The following GRIN1 variants were observed in gnomAD, a reference collection of about 807,000 sequenced individuals.
The protein encoded by GRIN1 is glutamate receptor ionotropic, NMDA 1.
A neutral mutation model predicts 103.0 loss-of-function variants in GRIN1; 38 were observed. The ratio of observed to expected loss-of-function variants is 0.37; its 90% CI spans 0.28 to 0.48. The LOEUF is 0.48. GRIN1 is among the 20% of genes least tolerant of loss of function. GRIN1 has a pLI of 0.98. For missense variants in GRIN1, 577 were observed against 1,288.9 expected, an observed-to-expected ratio of 0.45 and a Z score of 8.46; for synonymous variants, 544 against 532.7, an observed-to-expected ratio of 1.02 and a Z score of -0.29.
chr9:137,143,110 C>A (rs1832265215), intron 2 of GRIN1, among the ~76,000 whole-genome samples: 1 of 152,244 alleles, frequency 6.6e-6, no homozygotes, highest in African/African-American at 2.4e-5. Context: ...AGGGGACATC[C>A]AGTTTGGTGC....
Position 137,149,902 on chromosome 9 carries a change from C to T in GRIN1, c.671+793C>T, listed in dbSNP as rs575408746. ...AGCCCTGCATATGGGAAAGAGCCGG[C>T]GACACTCTCAGTCCCAGGGCAGACC... On this transcript the variant is annotated intron_variant, in intron 4 of 19. Coordinates refer to ENST00000371561, the MANE Select transcript of GRIN1 (RefSeq NM_007327.4). Among the ~76,000 whole-genome samples, 549 of 152,270 alleles carry T rather than the reference C, an allele frequency of 3.6e-3. 3 individuals carry two copies. The highest frequency in any genetic ancestry group is 6.7e-3 in the Non-Finnish European group (455 of 68,018).
At chr9:137,143,040 G>A (rs910192793) in intron 2 of GRIN1, among the ~76,000 whole-genome samples, 2 of 152,248 alleles carry the variant, frequency 1.3e-5, no homozygotes, top group Non-Finnish European at 2.9e-5. Context: ...ATGCAAACTG[G>A]GCACTGAGAG....
intron 14 of GRIN1, 30 bp downstream of exon 14, chr9:137,162,769 T>C (rs1564364062): frequency 1.9e-6 from 3 of 1,601,298 alleles, no homozygotes; most frequent in East Asian, 4.5e-5. Context: ...GGGGAGGGAA[T>C]GCGAGGTGAG....
At position 137,156,809 on chromosome 9, in the gene GRIN1, C is replaced by T; in HGVS notation, c.793+19C>T. 1.3e-6 allele frequency: 2 copies of T among 1,599,118 alleles called. No homozygotes were observed. Among genetic ancestry groups the T allele is most frequent in the Non-Finnish European group, 1.7e-6 (2 of 1,173,514 alleles). ...CCAGACGGTGAGTGCTGGGCCTTGG[C>T]GGGGTCCCCGAACGGGGAGGACCCC... On this transcript the variant is annotated intron_variant, in intron 5 of 19. Transcript: ENST00000371561.
At chr9:137,144,390 C>T (rs578223501) in intron 2 of GRIN1, among the ~76,000 whole-genome samples, 2 of 148,072 alleles carry the variant, frequency 1.4e-5, no homozygotes, top group African/African-American at 2.5e-5. Flanking sequence ...CGCGGTGGCT[C>T]ACGCCTGTAA....
At chr9:137,164,824 C>G in intron 18 of GRIN1, 1 of 334,326 alleles carries the variant, frequency 3.0e-6, no homozygotes, top group Non-Finnish European at 5.8e-6. Context: ...GTGGCCTCCA[C>G]GCAGACAGCT....
chr9:137,168,096 C>T lies in GRIN1; in HGVS notation c.*569C>T. On this transcript the variant is annotated 3_prime_UTR_variant, in exon 20 of 20. Transcript: ENST00000371561. ...AGGGCGCTCCGGCAGAGGCAGGGCCCTGGGGTCTCTGAGCAGTGGGGAGCG... is the reference window on the plus strand; with the variant it reads ...AGGGCGCTCCGGCAGAGGCAGGGCCTTGGGGTCTCTGAGCAGTGGGGAGCG... The T allele has an allele frequency of 1.7e-6, 1 of 579,990 alleles. No homozygotes were observed. Among genetic ancestry groups the T allele is most frequent in the Non-Finnish European group, 3.1e-6 (1 of 326,748 alleles). 35.9% of individuals were successfully genotyped at this position (579,990 alleles called of 1,614,324 possible). A position where few individuals can be genotyped will look rare whatever the true frequency, so the allele number is the denominator to read the frequency against.
At chr9:137,144,383 G>C (rs370843059) in intron 2 of GRIN1, among the ~76,000 whole-genome samples, 1 of 151,574 alleles carries the variant, frequency 6.6e-6, no homozygotes, top group Non-Finnish European at 1.5e-5. Flanking sequence ...GGCCGGGCGC[G>C]GTGGCTCACG....
intron 18 of GRIN1, chr9:137,164,132 C>A: frequency 1.7e-6 from 1 of 589,570 alleles, no homozygotes; most frequent in Non-Finnish European, 3.0e-6. Context: ...GGAGGCCACG[C>A]ACCCTGCTCC....
intron 8 of GRIN1, among the ~76,000 whole-genome samples, chr9:137,160,515 C>T (rs1833473743): frequency 6.6e-6 from 1 of 152,090 alleles, no homozygotes; most frequent in Admixed American, 6.5e-5. Flanking sequence ...CTGCAAGCTC[C>T]GCCTCCCGGG....
intron 11 of GRIN1, 33 bp downstream of exon 11, chr9:137,162,121 G>A: frequency 1.3e-6 from 2 of 1,529,708 alleles, no homozygotes; most frequent in Non-Finnish European, 1.8e-6. Context: ...GGTGGCGGCG[G>A]GGGGAGTCCC....
rs1832510205 is a variant in GRIN1, at chr9:137,146,014, GCAC to G, written c.570+119_570+121del. On this transcript the variant is annotated intron_variant, in intron 3 of 19. Transcript: ENST00000371561. The surrounding 1 kb of genome is among the most constrained non-coding windows in gnomAD (Gnocchi z 6.7). ...CTCTTCTTTCCATCGTGCATGGTCA[GCAC>G]CACCACGTCTGGCGAGCGCCCGCCC... 2 of 789,514 alleles carry G rather than the reference GCAC, an allele frequency of 2.5e-6. No individual in the cohort carries two copies. The highest frequency in any genetic ancestry group is 5.4e-5 in the East Asian group (2 of 37,098). The allele number at this position is 789,514 out of a possible 1,614,324, so 48.9% of individuals were successfully genotyped here.
At chr9:137,156,061 G>T (rs535185105) in intron 4 of GRIN1, among the ~76,000 whole-genome samples, 1 of 152,342 alleles carries the variant, frequency 6.6e-6, no homozygotes, top group Admixed American at 6.5e-5. Context: ...GGAGGTCTTA[G>T]GAGCTCGGGT....
chr9:137,156,819 G>T lies in GRIN1; in HGVS notation c.793+29G>T, dbSNP rs200075960. 8 of 1,602,984 alleles carry T rather than the reference G, an allele frequency of 5.0e-6. No homozygotes were observed. The Admixed American group carries it at 1.2e-4, about 24-fold the overall frequency. ...AGTGCTGGGCCTTGGCGGGGTCCCC[G>T]AACGGGGAGGACCCCACGGGCTCTG... On this transcript the variant is annotated intron_variant, in intron 5 of 19. Transcript: ENST00000371561.
At chr9:137,148,295 GC>G in intron 3 of GRIN1, 1 of 906,134 alleles carries the variant, frequency 1.1e-6, no homozygotes, top group Non-Finnish European at 1.7e-6. Flanking sequence ...CCACTGTCTG[GC>G]CCAGCCGCCG....
rs1011381323 is a variant in GRIN1, at chr9:137,157,817, T to C, written c.969-562T>C. 3.9e-5 allele frequency among the ~76,000 whole-genome samples: 6 copies of C among 152,220 alleles called. No individual in the cohort carries two copies. The East Asian group carries it at 9.6e-4, about 24-fold the overall frequency. The stretch of plus-strand genomic sequence containing the variant: ...CACGTGTGCACACACACGACACACA[T>C]ACACAGAACCATGTGTGCACACAGA... On this transcript the variant is annotated intron_variant, in intron 6 of 19. Transcript: ENST00000371561.
At chr9:137,152,075 T>G (rs1256151748) in intron 4 of GRIN1, among the ~76,000 whole-genome samples, 2 of 152,000 alleles carry the variant, frequency 1.3e-5, no homozygotes, top group African/African-American at 2.4e-5. Flanking sequence ...CCCTGCTACT[T>G]TTTTGTATTT....
intron 1 of GRIN1, 42 bp from the exon 2 acceptor site, chr9:137,141,971 C>T (rs760299770): frequency 6.2e-7 from 1 of 1,612,630 alleles, no homozygotes; most frequent in Admixed American, 1.7e-5. Context: ...CAGTGCCTGG[C>T]TCACCCCTGA....
chr9:137,147,384 G>A (rs903005755), intron 3 of GRIN1, among the ~76,000 whole-genome samples: 3 of 151,964 alleles, frequency 2.0e-5, no homozygotes, highest in African/African-American at 4.8e-5. Flanking sequence ...CCTTACTTGC[G>A]CCAGCCAGCA....
Sources: allele counts gnomAD v4.1 joint callset (sites outside exome capture counted in the v4.1 genomes callset), GRCh38; gene constraint gnomAD v4.1.1; non-coding constraint Gnocchi (gnomAD v3.1); transcripts MANE v1.5; gene names NCBI Gene and HGNC (gene_info 2026-07-23, HGNC 2026-07-21).